The following RNF217 variants were observed in gnomAD, a reference collection of about 807,000 sequenced individuals.
RNF217 encodes E3 ubiquitin-protein ligase RNF217.
Under a neutral mutation model 57.8 loss-of-function variants are expected in RNF217, and 31 were observed. The ratio of observed to expected loss-of-function variants is 0.54; its 90% CI spans 0.40 to 0.72. The LOEUF is 0.72. Ranked by LOEUF, RNF217 falls within the 30% of genes least tolerant of loss-of-function variation. RNF217 has a pLI of 0.00. For missense variants in RNF217, 696 were observed against 708.3 expected (o/e 0.98, Z 0.20); for synonymous variants, 313 against 294.0 (o/e 1.06, Z -0.66).
chr6:125,072,669 C>T (rs533938048), intron 3 of RNF217, among the ~76,000 whole-genome samples: 62 of 152,218 alleles, frequency 4.1e-4, no homozygotes, highest in African/African-American at 1.4e-3. Flanking sequence ...ACAAGTTTTT[C>T]TGTCAGGAAA....
In RNF217 at chr6:125,085,934, A is replaced by G. The variant is rs1788757567; in HGVS notation, c.*2997A>G. 6.6e-6 allele frequency: 1 copy of G among 151,980 alleles called. No individual in the cohort carries two copies. The highest frequency in any genetic ancestry group is 1.5e-5 in the Non-Finnish European group (1 of 67,892). 9.4% of individuals were successfully genotyped at this position (151,980 alleles called of 1,614,324 possible). A position where few individuals can be genotyped will look rare whatever the true frequency, so the allele number is the denominator to read the frequency against. On this transcript the variant is annotated 3_prime_UTR_variant, in exon 6 of 6. Coordinates refer to ENST00000521654, the MANE Select transcript of RNF217 (RefSeq NM_001286398.3). ...TTAAATAGATTTACCTCATTCTTTT[A>G]TAAATTACTGCATAATCCATTGTAG...
intron 1 of RNF217, among the ~76,000 whole-genome samples, chr6:124,978,174 CAAATATGGGGCCATGT>C (rs758600038): frequency 6.3e-4 from 96 of 152,126 alleles, no homozygotes; most frequent in African/African-American, 2.0e-3. Context: ...GCTCTCCAGG[CAAATATGGGGCCATGT>C]ATATGAATAA....
intron 1 of RNF217, among the ~76,000 whole-genome samples, chr6:125,023,403 G>A (rs143577858): frequency 1.1e-4 from 17 of 152,226 alleles, no homozygotes; most frequent in African/African-American, 4.1e-4. Flanking sequence ...TTTAATTAGT[G>A]GAGTTGTATG....
At chr6:125,025,748 G>T in intron 1 of RNF217, among the ~76,000 whole-genome samples, 1 of 127,724 alleles carries the variant, frequency 7.8e-6, no homozygotes, top group Admixed American at 7.8e-5. Context: ...AGGGAGGGAG[G>T]AAGGGAAGGA....
At chr6:125,040,180 A>G (rs1349756893) in intron 1 of RNF217, among the ~76,000 whole-genome samples, 9 of 152,166 alleles carry the variant, frequency 5.9e-5, no homozygotes, top group Non-Finnish European at 1.2e-4. Context: ...AATTAACAAA[A>G]TAGATAGACC....
At chr6:125,046,958 A>G (rs1787119666) in intron 2 of RNF217, among the ~76,000 whole-genome samples, 1 of 152,110 alleles carries the variant, frequency 6.6e-6, no homozygotes. Context: ...CAAAAATTGT[A>G]TAACTAAAGT....
intron 1 of RNF217, among the ~76,000 whole-genome samples, chr6:125,030,662 A>G (rs1562476830): frequency 6.6e-6 from 1 of 152,150 alleles, no homozygotes; most frequent in African/African-American, 2.4e-5. Context: ...GTGGGTTCCC[A>G]TGGTCTTGGG....
intron 1 of RNF217, among the ~76,000 whole-genome samples, chr6:124,977,517 T>C (rs958097808): frequency 2.0e-5 from 3 of 152,232 alleles, no homozygotes; most frequent in Non-Finnish European, 4.4e-5. Context: ...CATTAATTCA[T>C]GTATTAAAAT....
intron 1 of RNF217, among the ~76,000 whole-genome samples, chr6:124,991,309 T>C (rs574496100): frequency 2.4e-4 from 37 of 152,332 alleles, no homozygotes; most frequent in Non-Finnish European, 4.0e-4. Flanking sequence ...ACCTTTCCAG[T>C]AGCTGTTCAT....
intron 2 of RNF217, among the ~76,000 whole-genome samples, chr6:125,053,739 A>G (rs1473739822): frequency 6.6e-6 from 1 of 152,072 alleles, no homozygotes; most frequent in African/African-American, 2.4e-5. Flanking sequence ...TGGTAAAACT[A>G]AGGGTATTCA....
intron 1 of RNF217, among the ~76,000 whole-genome samples, chr6:125,024,768 G>A (rs928764274): frequency 4.0e-5 from 6 of 151,702 alleles, no homozygotes; most frequent in Admixed American, 1.3e-4. Flanking sequence ...GGGGACATGG[G>A]AAGTGATGAG....
chr6:125,051,548 A>G (rs1392419897), intron 2 of RNF217, among the ~76,000 whole-genome samples: 2 of 152,038 alleles, frequency 1.3e-5, no homozygotes, highest in Non-Finnish European at 2.9e-5. Context: ...TATGCCTACC[A>G]GTTGGCCATG....
chr6:125,089,458 A>C lies in RNF217; in HGVS notation c.*6521A>C, dbSNP rs1788870201. 1 of 152,184 alleles carries C rather than the reference A, an allele frequency of 6.6e-6. No homozygotes were observed. The highest frequency in any genetic ancestry group is 2.4e-5 in the African/African-American group (1 of 41,444). 9.4% of individuals were successfully genotyped at this position (152,184 alleles called of 1,614,324 possible). ...AGTGTAGCATTTGTATATAAGATTC[A>C]ATTATGGATTCATGCTCTGTGAACA... On this transcript the variant is annotated 3_prime_UTR_variant, in exon 6 of 6. Coordinates refer to ENST00000521654, the MANE Select transcript of RNF217 (RefSeq NM_001286398.3).
In RNF217 at chr6:124,962,674, C is replaced by T; in HGVS notation, c.130C>T (p.Arg44Cys). 7.4e-7 allele frequency: 1 copy of T among 1,342,894 alleles called. No homozygotes were observed. Among genetic ancestry groups the T allele is most frequent in the South Asian group, 2.0e-5 (1 of 49,140 alleles). 83.2% of individuals were successfully genotyped at this position (1,342,894 alleles called of 1,614,324 possible). A position where few individuals can be genotyped will look rare whatever the true frequency, so the allele number is the denominator to read the frequency against. ...GGACAGCGCCCGGGCGCCCCCGCTG[C>T]GCGCCGCCTCCGCGGAGCCGAGCGG... ...QGDSARAPPLRAASAEPSGGG... is the reference protein window; with the variant it reads ...QGDSARAPPLCAASAEPSGGG... The change falls in exon 1 of 6, where the codon CGC (arginine) becomes TGC (cysteine). Residue 44 changes from arginine to cysteine, a missense_variant. Transcript: ENST00000521654. This position sits in a 1 kb window ranked among gnomAD's most constrained non-coding sequence, Gnocchi z 4.6.
In RNF217 at chr6:124,998,612, A is replaced by G. The variant is rs562943695; in HGVS notation, c.882+35186A>G. On this transcript the variant is annotated intron_variant, in intron 1 of 5. Transcript: ENST00000521654. Reference sequence around the variant, plus strand: ...CAGGAGATCAAGACCATCCTGGCCAACATGATGAAACCCCATCTCTAACTA... The same window carrying G: ...CAGGAGATCAAGACCATCCTGGCCAGCATGATGAAACCCCATCTCTAACTA... 1.6e-4 allele frequency among the ~76,000 whole-genome samples: 25 copies of G among 152,326 alleles called. No homozygotes were observed. The South Asian group carries it at 5.2e-3, about 32-fold the overall frequency.
intron 3 of RNF217, among the ~76,000 whole-genome samples, chr6:125,071,545 A>G (rs1788147460): frequency 8.6e-6 from 1 of 116,400 alleles, no homozygotes; most frequent in African/African-American, 3.0e-5. Context: ...TGTATATCTT[A>G]TTACAGGTTT....
chr6:124,981,471 G>T (rs1162538074), intron 1 of RNF217, among the ~76,000 whole-genome samples: 1 of 152,114 alleles, frequency 6.6e-6, no homozygotes, highest in Non-Finnish European at 1.5e-5. Context: ...GGTTGGGGGG[G>T]CGGTGACTTT....
At chr6:125,030,278 C>T (rs1417073516) in intron 1 of RNF217, among the ~76,000 whole-genome samples, 1 of 152,094 alleles carries the variant, frequency 6.6e-6, no homozygotes, top group Non-Finnish European at 1.5e-5. Flanking sequence ...TCATTCTGCC[C>T]CTGGCCCCTC....
At chr6:124,992,153 A>C (rs900101113) in intron 1 of RNF217, among the ~76,000 whole-genome samples, 2 of 151,040 alleles carry the variant, frequency 1.3e-5, no homozygotes, top group African/African-American at 4.8e-5. Context: ...GCTGACCTGC[A>C]GCATCACACT....
Sources: allele counts gnomAD v4.1 joint callset (sites outside exome capture counted in the v4.1 genomes callset), GRCh38; gene constraint gnomAD v4.1.1; non-coding constraint Gnocchi (gnomAD v3.1); transcripts MANE v1.5; gene names NCBI Gene and HGNC (gene_info 2026-07-23, HGNC 2026-07-21).